BARD1: variants seen among roughly 807,000 people sequenced by gnomAD.
BARD1 encodes BRCA1 associated RING domain 1, also known as BRCA1-associated RING domain protein 1.
BARD1 carries 73 observed loss-of-function variants against 77.0 expected under a neutral mutation model. The observed-to-expected ratio is 0.95, with a 90% CI of 0.79 to 1.15. The LOEUF (loss-of-function observed/expected upper bound fraction) is 1.15, where lower values mean the gene tolerates loss of function less well. BARD1 is among the 50% of genes most tolerant of loss of function. The probability of loss-of-function intolerance (pLI) is 0.00; values close to 1 mark genes in which losing one functional copy is unlikely to be tolerated. For synonymous variants in BARD1, 384 were observed against 338.0 expected (o/e 1.14, Z -1.49); for missense variants, 993 against 938.8 (o/e 1.06, Z -0.75).
intron 3 of BARD1, among the ~76,000 whole-genome samples, chr2:214,788,135 A>C (rs181531169): frequency 7.1e-4 from 108 of 152,126 alleles, no homozygotes; most frequent in Middle Eastern, 3.4e-3. Flanking sequence ...TCTCTCTCTA[A>C]AGCAGAAAAT....
intron 6 of BARD1, among the ~76,000 whole-genome samples, chr2:214,763,577 A>C (rs1360668943): frequency 6.6e-6 from 1 of 152,222 alleles, no homozygotes; most frequent in African/African-American, 2.4e-5. Context: ...TTACTTCTTC[A>C]ATCAGCCAAA....
At chr2:214,737,557 C>T (rs962576268) in intron 9 of BARD1, among the ~76,000 whole-genome samples, 2 of 152,066 alleles carry the variant, frequency 1.3e-5, no homozygotes, top group African/African-American at 4.8e-5. Context: ...GGAGACAATA[C>T]CACAGTTACA....
chr2:214,781,524 GA>G lies in BARD1; in HGVS notation c.365-16del. The G allele has an allele frequency of 6.3e-7, 1 of 1,596,178 alleles. No individual in the cohort carries two copies. Among genetic ancestry groups the G allele is most frequent in the South Asian group, 1.1e-5 (1 of 89,672 alleles). Reference sequence around the variant, plus strand: ...TTCTTTCAAATCTGACAGAAAAAAAGAAAAAGAAATCTGTTACATGAAATTT... The same window carrying G: ...TTCTTTCAAATCTGACAGAAAAAAAGAAAAGAAATCTGTTACATGAAATTT... On this transcript the variant is annotated splice_polypyrimidine_tract_variant and intron_variant, in intron 3 of 10. Coordinates refer to ENST00000260947, the MANE Select transcript of BARD1 (RefSeq NM_000465.4).
At chr2:214,793,437 A>C (rs915051079) in intron 2 of BARD1, among the ~76,000 whole-genome samples, 9 of 152,210 alleles carry the variant, frequency 5.9e-5, no homozygotes, top group Non-Finnish European at 1.2e-4. Context: ...ATAAATGTCA[A>C]CTTTCTTTAG....
In BARD1 at chr2:214,728,537, CTTTTT is replaced by C; in HGVS notation, c.*134_*138del. ...CATGAATTCCTAATCTGGCATTAGA[CTTTTT>C]TTTTTTTTTTGATTCAAAGACAAAT... On this transcript the variant is annotated 3_prime_UTR_variant, in exon 11 of 11. Transcript: ENST00000260947. The C allele has an allele frequency of 1.7e-6, 1 of 587,828 alleles. No individual in the cohort carries two copies. The highest frequency in any genetic ancestry group is 2.8e-6 in the Non-Finnish European group (1 of 359,076). The allele number at this position is 587,828 out of a possible 1,614,324, so 36.4% of individuals were successfully genotyped here.
At chr2:214,742,767 A>G (rs937339702) in intron 9 of BARD1, among the ~76,000 whole-genome samples, 3 of 152,256 alleles carry the variant, frequency 2.0e-5, no homozygotes, top group Non-Finnish European at 4.4e-5. Context: ...CCACTTCAGC[A>G]TATTCACAAG....
At chr2:214,785,282 C>G (rs1695220010) in intron 3 of BARD1, among the ~76,000 whole-genome samples, 1 of 152,000 alleles carries the variant, frequency 6.6e-6, no homozygotes, top group Non-Finnish European at 1.5e-5. Flanking sequence ...ACAAATCATA[C>G]AAGTCATCCA....
intron 4 of BARD1, among the ~76,000 whole-genome samples, chr2:214,779,973 C>T (rs1462131138): frequency 6.6e-6 from 1 of 152,160 alleles, no homozygotes; most frequent in African/African-American, 2.4e-5. Context: ...AACGCTGCCA[C>T]ATCTCAGGTG....
At chr2:214,743,676 C>G (rs537718249) in intron 9 of BARD1, among the ~76,000 whole-genome samples, 1 of 146,334 alleles carries the variant, frequency 6.8e-6, no homozygotes, top group South Asian at 2.2e-4. Context: ...CTCCACCTCC[C>G]GGGGTCAAGT....
intron 6 of BARD1, among the ~76,000 whole-genome samples, chr2:214,765,797 C>A (rs569893287): frequency 6.6e-6 from 1 of 152,156 alleles, no homozygotes; most frequent in South Asian, 2.1e-4. Context: ...ATATACACAT[C>A]CCCTGAATTT....
intron 6 of BARD1, among the ~76,000 whole-genome samples, chr2:214,764,580 G>C (rs552219317): frequency 6.6e-6 from 1 of 152,286 alleles, no homozygotes; most frequent in African/African-American, 2.4e-5. Context: ...TGTGAAGACC[G>C]ATGAGAACAG....
intron 3 of BARD1, among the ~76,000 whole-genome samples, chr2:214,783,270 G>A (rs6435860): frequency 0.98 from 149,465 of 152,246 alleles, 73,418 homozygotes; most frequent in East Asian, 1. Context: ...GGCAACTGTA[G>A]TAAGTTTAAG....
At chr2:214,805,156 G>A (rs538808186) in intron 1 of BARD1, among the ~76,000 whole-genome samples, 47 of 152,200 alleles carry the variant, frequency 3.1e-4, no homozygotes, top group Middle Eastern at 3.4e-3. Context: ...GGGAGACTCC[G>A]TCTCAGAAAA....
At chr2:214,792,559 G>T in intron 2 of BARD1, 114 bp from the exon 3 acceptor site, 5 of 1,007,944 alleles carry the variant, frequency 5.0e-6, no homozygotes, top group Non-Finnish European at 7.1e-6. Context: ...AACATACAAT[G>T]GTCAATTGTA....
intron 2 of BARD1, among the ~76,000 whole-genome samples, chr2:214,795,496 T>C (rs1163877282): frequency 6.6e-6 from 1 of 152,072 alleles, no homozygotes; most frequent in African/African-American, 2.4e-5. Flanking sequence ...AGCAGGGTAA[T>C]GATATGGATA....
At chr2:214,779,723 T>A (rs916088262) in intron 4 of BARD1, among the ~76,000 whole-genome samples, 2 of 152,176 alleles carry the variant, frequency 1.3e-5, no homozygotes, top group African/African-American at 4.8e-5. Flanking sequence ...TCTCTACCCA[T>A]CCAGAAGACC....
rs764215274 is a variant in BARD1, at chr2:214,780,954, T to A, written c.920A>T (p.Tyr307Phe). ...VVTPEKVCKN[Y>F]LTSKKSLPLE... ...TGGCAAAGATTTCTTAGATGTAAGA[T>A]AATTTTTGCAGACCTTCTCAGGAGT... Residue 307 changes from tyrosine to phenylalanine, a missense_variant, in exon 4 of 11, where the codon TAT becomes TTT. Transcript: ENST00000260947. 1 of 1,613,784 alleles carries A rather than the reference T, an allele frequency of 6.2e-7. No homozygotes were observed. Among genetic ancestry groups the A allele is most frequent in the East Asian group, 2.2e-5 (1 of 44,870 alleles).
intron 6 of BARD1, among the ~76,000 whole-genome samples, chr2:214,761,271 G>A (rs1446933655): frequency 3.6e-5 from 5 of 137,598 alleles, no homozygotes; most frequent in African/African-American, 8.1e-5. Context: ...ATGTTCCAGA[G>A]AAGAGGAAAG....
At chr2:214,781,645 T>TTCACACTCTAG in intron 3 of BARD1, 136 bp from the exon 4 acceptor site, 1 of 690,186 alleles carries the variant, frequency 1.4e-6, no homozygotes, top group Non-Finnish European at 2.4e-6. Context: ...GCTCCTAGAG[T>TTCACACTCTAG]GTGAACTCTT....
Sources: gnomAD v4.1 joint callset for allele counts (sites outside exome capture counted in the v4.1 genomes callset) on GRCh38, gnomAD v4.1.1 for gene constraint, MANE v1.5 for transcripts, NCBI Gene and HGNC (gene_info 2026-07-23, HGNC 2026-07-21) for gene names.